The following PVT1 variants were observed in gnomAD, a reference collection of about 807,000 sequenced individuals.
PVT1 encodes the protein CXCR4/PVT1 fusion.
intron 3 of PVT1, among the ~76,000 whole-genome samples, chr8:127,927,320 C>T (rs779309252): frequency 6.6e-6 from 1 of 152,246 alleles, no homozygotes; most frequent in Non-Finnish European, 1.5e-5. Context: ...TCCCTCACCA[C>T]GCAGGGGCTC....
At chr8:128,051,146 T>C (rs1382475287) in intron 4 of PVT1, among the ~76,000 whole-genome samples, 1 of 152,192 alleles carries the variant, frequency 6.6e-6, no homozygotes, top group Non-Finnish European at 1.5e-5. Flanking sequence ...GTGCACATGA[T>C]ATGTTGTGTC....
At chr8:127,807,925 G>A (rs1814545725) in intron 2 of PVT1, among the ~76,000 whole-genome samples, 1 of 151,670 alleles carries the variant, frequency 6.6e-6, no homozygotes, top group Non-Finnish European at 1.5e-5. Flanking sequence ...CTGCTACCAC[G>A]CCCGGTTAAT....
At chr8:127,847,706 C>T (rs558803338) in intron 2 of PVT1, among the ~76,000 whole-genome samples, 1 of 152,074 alleles carries the variant, frequency 6.6e-6, no homozygotes, top group African/African-American at 2.4e-5. Context: ...ACAAAAAGCA[C>T]AATGTGGAGC....
At chr8:128,047,553 A>T (rs993022866) in intron 4 of PVT1, among the ~76,000 whole-genome samples, 2 of 152,240 alleles carry the variant, frequency 1.3e-5, no homozygotes, top group Non-Finnish European at 2.9e-5. Flanking sequence ...CTACTGCTGC[A>T]GTGAAGAGCA....
intron 2 of PVT1, among the ~76,000 whole-genome samples, chr8:127,846,686 G>A (rs548620137): frequency 2.6e-4 from 39 of 152,040 alleles, no homozygotes; most frequent in Admixed American, 1.2e-3. Context: ...GCCCCAAATG[G>A]TACTCTCTTT....
chr8:127,829,063 G>T (rs1814822127), intron 2 of PVT1, among the ~76,000 whole-genome samples: 1 of 152,158 alleles, frequency 6.6e-6, no homozygotes, highest in African/African-American at 2.4e-5. Context: ...GGAAGCTGAG[G>T]TCAGGAGTTC....
chr8:128,048,101 C>T (rs1014297025), intron 4 of PVT1, among the ~76,000 whole-genome samples: 18 of 152,216 alleles, frequency 1.2e-4, no homozygotes, highest in African/African-American at 4.1e-4. Flanking sequence ...CATTCACAAA[C>T]ACACTTAACA....
chr8:128,060,114 G>A (rs559994951), intron 4 of PVT1, among the ~76,000 whole-genome samples: 108 of 152,214 alleles, frequency 7.1e-4, no homozygotes, highest in African/African-American at 2.5e-3. Flanking sequence ...AAATTAGCTG[G>A]GTGTGGCAGC....
chr8:128,101,094 A>C (rs369123568), intron 6 of PVT1: 19 of 152,230 alleles, frequency 1.2e-4, no homozygotes, highest in African/African-American at 4.1e-4. Context: ...CTCTGCCCCA[A>C]CCACTCAGCA....
chr8:128,092,158 TCCTGCTGTCAGCCAGCCCC>T (rs1225504435), intron 5 of PVT1, among the ~76,000 whole-genome samples: 2 of 152,116 alleles, frequency 1.3e-5, no homozygotes, highest in Non-Finnish European at 2.9e-5. Flanking sequence ...GCTCAGAATT[TCCTGCTGTCAGCCAGCCCC>T]CCTGCTGTTT....
At chr8:128,053,364 CAT>C (rs142619024) in intron 4 of PVT1, among the ~76,000 whole-genome samples, 1 of 149,944 alleles carries the variant, frequency 6.7e-6, no homozygotes. Flanking sequence ...GCTATATATA[CAT>C]ATATATATAC....
At chr8:128,026,825 C>T (rs1381287904) in intron 4 of PVT1, among the ~76,000 whole-genome samples, 1 of 152,206 alleles carries the variant, frequency 6.6e-6, no homozygotes, top group Non-Finnish European at 1.5e-5. Flanking sequence ...TGCTCTTGCC[C>T]TCTCATTTAC....
At chr8:127,991,595 T>C (rs1396629268) in intron 4 of PVT1, among the ~76,000 whole-genome samples, 4 of 151,974 alleles carry the variant, frequency 2.6e-5, no homozygotes, top group African/African-American at 9.7e-5. Context: ...ACCTCAGTCA[T>C]GTGGCAGAGA....
At chr8:128,051,122 A>G (rs1304275956) in intron 4 of PVT1, among the ~76,000 whole-genome samples, 1 of 152,270 alleles carries the variant, frequency 6.6e-6, no homozygotes, top group Non-Finnish European at 1.5e-5. Context: ...CTTTCATTGA[A>G]CGAAATTGAT....
At chr8:128,093,060 ATCTG>A (rs1814380502) in intron 5 of PVT1, among the ~76,000 whole-genome samples, 1 of 151,902 alleles carries the variant, frequency 6.6e-6, no homozygotes, top group Non-Finnish European at 1.5e-5. Flanking sequence ...CAACTTTAAG[ATCTG>A]TCTTTCTTTT....
chr8:128,061,919 A>G lies in PVT1; in HGVS notation n.913-8241A>G, dbSNP rs9656969. On this transcript the variant is annotated intron_variant and non_coding_transcript_variant, in intron 4 of 10. Transcript: ENST00000651587. ...TAAAAAAATGTACAAATGAAAAAAC[A>G]TAGAAAGAGAGGAAAAAGCAAAATA... Among the ~76,000 whole-genome samples the G allele has an allele frequency of 4.6e-3, 694 of 152,388 alleles. 9 individuals are homozygous for G. Among genetic ancestry groups the G allele is most frequent in the African/African-American group, 0.016 (665 of 41,590 alleles).
At chr8:127,958,220 CT>C (rs944850916) in intron 3 of PVT1, among the ~76,000 whole-genome samples, 1 of 151,956 alleles carries the variant, frequency 6.6e-6, no homozygotes, top group Non-Finnish European at 1.5e-5. Flanking sequence ...TTTTTCTCTT[CT>C]TTTTTTGTTT....
In PVT1 at chr8:127,898,355, A is replaced by G. The variant is rs1815713564; in HGVS notation, n.782+7357A>G. Among the ~76,000 whole-genome samples, 2 of 152,262 alleles carry G rather than the reference A, an allele frequency of 1.3e-5. No individual in the cohort carries two copies. The highest frequency in any genetic ancestry group is 4.8e-5 in the African/African-American group (2 of 41,470). ...AAGAAAAGAAAGGAAAGAAAGATTCATTACTATCCTTTGGACCTGAGTGGT... is the reference window on the plus strand; with the variant it reads ...AAGAAAAGAAAGGAAAGAAAGATTCGTTACTATCCTTTGGACCTGAGTGGT... On this transcript the variant is annotated intron_variant and non_coding_transcript_variant, in intron 3 of 10. Coordinates refer to ENST00000651587, the Ensembl canonical transcript of PVT1. The surrounding 1 kb of genome is among the most constrained non-coding windows in gnomAD (Gnocchi z 4.4).
chr8:128,005,140 C>CA (rs796167481), intron 4 of PVT1, among the ~76,000 whole-genome samples: 79 of 137,342 alleles, frequency 5.8e-4, no homozygotes, highest in African/African-American at 7.8e-4. Flanking sequence ...AACTCCATCT[C>CA]AAAAAAAAAA....
Sources: gnomAD v4.1 joint callset for allele counts (sites outside exome capture counted in the v4.1 genomes callset) on GRCh38, gnomAD v4.1.1 for gene constraint, Gnocchi (gnomAD v3.1) non-coding constraint, MANE v1.5 for transcripts, NCBI Gene and HGNC (gene_info 2026-07-23, HGNC 2026-07-21) for gene names.